CWH43: variants seen among roughly 807,000 people sequenced by gnomAD.
The protein encoded by CWH43 is cell wall biogenesis 43 C-terminal homolog.
A neutral mutation model predicts 85.7 loss-of-function variants in CWH43; 91 were observed. The observed-to-expected ratio is 1.06, with a 90% CI of 0.90 to 1.26. The LOEUF is 1.26. Ranked by LOEUF, CWH43 falls within the 50% of genes most tolerant of loss-of-function variation. The pLI is 0.00. For synonymous variants in CWH43, 323 were observed against 293.6 expected (o/e 1.10, Z -1.02); for missense variants, 869 against 839.2 (o/e 1.04, Z -0.44).
In CWH43 at chr4:49,051,446, C is replaced by T. The variant is rs139006401; in HGVS notation, c.2021+597C>T. On this transcript the variant is annotated intron_variant, in intron 15 of 15. Coordinates refer to ENST00000226432, the MANE Select transcript of CWH43 (RefSeq NM_025087.3). ...CCCACCCCAGACCAATTTATCAGGA[C>T]CTCCTGGGGTGGTATCTGGGCTGTG... Among the ~76,000 whole-genome samples the T allele has an allele frequency of 2.2e-4, 34 of 152,302 alleles. No individual in the cohort carries two copies. The East Asian group carries it at 6.6e-3, about 29-fold the overall frequency.
Position 48,992,776 on chromosome 4 carries a change from T to C in CWH43, c.511+686T>C, listed in dbSNP as rs529341322. 2.9e-4 allele frequency among the ~76,000 whole-genome samples: 44 copies of C among 152,316 alleles called. 1 individual carries two copies. In the South Asian group the frequency reaches 8.9e-3, roughly 31 times the overall value. ...CTCTCAGTGAGTCACTGTTCTTCTGTAACTACAAGGTGAAATCTCACAGAC... is the reference window on the plus strand; with the variant it reads ...CTCTCAGTGAGTCACTGTTCTTCTGCAACTACAAGGTGAAATCTCACAGAC... On this transcript the variant is annotated intron_variant, in intron 4 of 15. Transcript: ENST00000226432. This position sits in a 1 kb window ranked among gnomAD's most constrained non-coding sequence, Gnocchi z 4.3.
intron 13 of CWH43, among the ~76,000 whole-genome samples, chr4:49,041,535 G>T (rs929993427): frequency 6.6e-6 from 1 of 152,082 alleles, no homozygotes; most frequent in African/African-American, 2.4e-5. Flanking sequence ...TCATGATTTG[G>T]CTCTCTGTTT....
At chr4:49,018,883 A>G (rs1366732746) in intron 9 of CWH43, among the ~76,000 whole-genome samples, 2 of 152,204 alleles carry the variant, frequency 1.3e-5, no homozygotes, top group Non-Finnish European at 2.9e-5. Context: ...CTAAGTAACT[A>G]TTTCTTAATA....
chr4:49,016,973 C>G (rs1341323452), intron 8 of CWH43: 1 of 782,362 alleles, frequency 1.3e-6, no homozygotes, highest in African/African-American at 1.7e-5. Context: ...TCTGCGCAGG[C>G]ACAGCAATCT....
chr4:49,055,665 C>G (rs922147747), intron 15 of CWH43, among the ~76,000 whole-genome samples: 11 of 151,342 alleles, frequency 7.3e-5, no homozygotes, highest in African/African-American at 2.7e-4. Flanking sequence ...TCTCAGCTTA[C>G]TGCAACTTCC....
At chr4:49,008,479 A>G (rs1783241755) in intron 8 of CWH43, among the ~76,000 whole-genome samples, 1 of 152,118 alleles carries the variant, frequency 6.6e-6, no homozygotes, top group Non-Finnish European at 1.5e-5. Context: ...CTTCAGTTTA[A>G]TTAGATCCCA....
intron 13 of CWH43, 41 bp from the exon 14 acceptor site, chr4:49,044,745 C>T: frequency 6.4e-7 from 1 of 1,554,874 alleles, no homozygotes; most frequent in South Asian, 1.2e-5. Context: ...TAGAGCTTTG[C>T]TTTTTATGCT....
In CWH43 at chr4:49,059,663, A is replaced by G. The variant is rs561015824; in HGVS notation, c.2022-2149A>G. Among the ~76,000 whole-genome samples the G allele has an allele frequency of 3.9e-5, 6 of 152,168 alleles. No individual in the cohort carries two copies. The East Asian group carries it at 9.7e-4, about 25-fold the overall frequency. ...GCTATCTAGCTGGGCTCATGGGTGG[A>G]CTTATGCTAGAGTTCTTGGGCCAAC... On this transcript the variant is annotated intron_variant, in intron 15 of 15. Coordinates refer to ENST00000226432, the MANE Select transcript of CWH43 (RefSeq NM_025087.3).
At chr4:48,986,501 G>C in intron 1 of CWH43, 29 bp downstream of exon 1, 1 of 1,550,972 alleles carries the variant, frequency 6.4e-7, no homozygotes, top group South Asian at 1.2e-5. Context: ...CCGCGAGTTC[G>C]CGGGTGCCAG....
chr4:49,006,134 T>C (rs1464588857), intron 7 of CWH43, among the ~76,000 whole-genome samples: 1 of 152,198 alleles, frequency 6.6e-6, no homozygotes, highest in Non-Finnish European at 1.5e-5. Flanking sequence ...TGTTTTCTTG[T>C]CCAATGCCCT....
rs535528683 is a variant in CWH43 at position 49,007,049 on chromosome 4, A to G, written c.1061-152A>G. 12 of 833,514 alleles carry G rather than the reference A, an allele frequency of 1.4e-5. No homozygotes were observed. The South Asian group carries it at 3.0e-4, about 21-fold the overall frequency. 51.6% of individuals were successfully genotyped at this position (833,514 alleles called of 1,614,324 possible). ...ATATTTTCCAGTTATCAAAAGCACT[A>G]CTAGAGTAATTGTTTAGGTTCTGAG... is the stretch of plus-strand genomic sequence containing the variant. On this transcript the variant is annotated intron_variant, in intron 7 of 15. Transcript: ENST00000226432.
intron 8 of CWH43, among the ~76,000 whole-genome samples, chr4:49,011,432 C>T (rs1783356697): frequency 6.6e-6 from 1 of 152,094 alleles, no homozygotes. Context: ...TCCAATTTGC[C>T]AGTCTGTGTC....
intron 9 of CWH43, among the ~76,000 whole-genome samples, chr4:49,025,558 G>T (rs1168180239): frequency 2.0e-5 from 3 of 152,164 alleles, no homozygotes; most frequent in Non-Finnish European, 2.9e-5. Flanking sequence ...CCCCTGATGT[G>T]GTGCTCTCCC....
chr4:49,050,816 G>A lies in CWH43; in HGVS notation c.1988G>A (p.Arg663Lys). 6.2e-7 allele frequency: 1 copy of A among 1,612,502 alleles called. No homozygotes were observed. ...RDNQKVVIDH[R>K]EVSEKIHFNP... ...AACCAGAAAGTGGTCATAGACCACA[G>A]AGAAGTTTCTGAGAAAATTCATTTT... The change falls in exon 15 of 16, where the codon AGA becomes AAA. Residue 663 changes from arginine to lysine, a missense_variant. By Grantham distance (26) the Arg-to-Lys change is conservative (BLOSUM62 2). Coordinates refer to ENST00000226432, the MANE Select transcript of CWH43 (RefSeq NM_025087.3).
intron 13 of CWH43, among the ~76,000 whole-genome samples, chr4:49,043,283 C>T (rs974113431): frequency 3.3e-5 from 5 of 152,012 alleles, no homozygotes; most frequent in African/African-American, 7.2e-5. Flanking sequence ...ATAAGAGAAA[C>T]GCGTAAGTAC....
intron 15 of CWH43, among the ~76,000 whole-genome samples, chr4:49,052,396 G>C (rs549316862): frequency 7.8e-4 from 119 of 152,288 alleles, no homozygotes; most frequent in African/African-American, 2.8e-3. Flanking sequence ...GCTATGTGAG[G>C]TATGAATGGC....
chr4:49,019,362 A>G (rs1022990318), intron 9 of CWH43, among the ~76,000 whole-genome samples: 1 of 152,028 alleles, frequency 6.6e-6, no homozygotes, highest in Non-Finnish European at 1.5e-5. Context: ...TGTTGGCAGA[A>G]GGAACACATA....
chr4:49,020,428 T>TATATATATATAA (rs1377765217), intron 9 of CWH43, among the ~76,000 whole-genome samples: 1 of 69,484 alleles, frequency 1.4e-5, no homozygotes, highest in African/African-American at 3.4e-5. Context: ...TATATATATA[T>TATATATATATAA]AAATCATATT....
At chr4:49,050,506 T>G (rs1361289244) in intron 14 of CWH43, among the ~76,000 whole-genome samples, 188 bp from the exon 15 acceptor site, 1 of 152,222 alleles carries the variant, frequency 6.6e-6, no homozygotes, top group African/African-American at 2.4e-5. Flanking sequence ...TATTCTTTAT[T>G]CATTTATATC....
Sources: allele counts gnomAD v4.1 joint callset (sites outside exome capture counted in the v4.1 genomes callset), GRCh38; gene constraint gnomAD v4.1.1; non-coding constraint Gnocchi (gnomAD v3.1); transcripts MANE v1.5; gene names NCBI Gene and HGNC (gene_info 2026-07-23, HGNC 2026-07-21).